Variants in GNG7 observed in about 807,000 individuals in gnomAD.
GNG7 encodes the protein G protein subunit gamma 7.
Under a neutral mutation model 4.0 loss-of-function variants are expected in GNG7, and 1 was observed. The ratio of observed to expected loss-of-function variants is 0.25; its 90% confidence interval spans 0.09 to 1.18. The LOEUF (loss-of-function observed/expected upper bound fraction) is 1.18. Ranked by LOEUF, GNG7 falls within the 50% of genes most tolerant of loss-of-function variation. The pLI is 0.50. For missense variants in GNG7, 86 were observed against 91.9 expected (o/e 0.94, Z 0.26); for synonymous variants, 34 against 36.9 (o/e 0.92, Z 0.29).
intron 2 of GNG7, among the ~76,000 whole-genome samples, chr19:2,644,375 A>G (rs1982607225): frequency 1.7e-5 from 1 of 59,854 alleles, no homozygotes; most frequent in South Asian, 4.6e-4. Flanking sequence ...ATATATATAT[A>G]TATATAATGC....
At chr19:2,679,415 A>G (rs1319021734) in intron 1 of GNG7, among the ~76,000 whole-genome samples, 4 of 152,126 alleles carry the variant, frequency 2.6e-5, no homozygotes, top group Non-Finnish European at 5.9e-5. Context: ...TAACAGTGAT[A>G]ACCAGGACCA....
At chr19:2,523,630 T>A (rs1367498216) in intron 3 of GNG7, among the ~76,000 whole-genome samples, 1 of 152,006 alleles carries the variant, frequency 6.6e-6, no homozygotes, top group African/African-American at 2.4e-5. Context: ...CCTCACACAC[T>A]CACACACCAG....
intron 1 of GNG7, among the ~76,000 whole-genome samples, chr19:2,657,261 G>T (rs1016344323): frequency 1.4e-5 from 2 of 146,256 alleles, no homozygotes; most frequent in African/African-American, 5.1e-5. Flanking sequence ...TTGAGCCTAG[G>T]AGTTCGAAGC....
intron 1 of GNG7, among the ~76,000 whole-genome samples, chr19:2,695,901 G>A (rs1168372319): frequency 1.3e-5 from 2 of 152,294 alleles, no homozygotes; most frequent in Middle Eastern, 3.4e-3. Context: ...GCTCACGCCT[G>A]TAATCCCAGC....
At chr19:2,583,896 A>C (rs1297786688) in intron 2 of GNG7, among the ~76,000 whole-genome samples, 2 of 152,156 alleles carry the variant, frequency 1.3e-5, no homozygotes, top group African/African-American at 2.4e-5. Flanking sequence ...ATATTGCTAA[A>C]TTAAAAAAAA....
intron 2 of GNG7, among the ~76,000 whole-genome samples, chr19:2,619,037 A>G (rs1981797564): frequency 6.6e-6 from 1 of 152,236 alleles, no homozygotes; most frequent in Non-Finnish European, 1.5e-5. Flanking sequence ...AAACAAACAA[A>G]AAATGTCATT....
At chr19:2,553,944 T>A (rs1192096192) in intron 3 of GNG7, among the ~76,000 whole-genome samples, 1 of 142,954 alleles carries the variant, frequency 7.0e-6, no homozygotes, top group African/African-American at 2.6e-5. Context: ...ATGTAATATA[T>A]TATATGTAAT....
At position 2,557,828 on chromosome 19, in the gene GNG7, ATT is replaced by A. The variant is rs1188358002; in HGVS notation, c.-77-2642_-77-2641del. On this transcript the variant is annotated intron_variant, in intron 2 of 4. Coordinates refer to ENST00000382159, the MANE Select transcript of GNG7 (RefSeq NM_052847.3). This position sits in a 1 kb window ranked among gnomAD's most constrained non-coding sequence, Gnocchi z 5.1. ...TTATTCTGATGGGGTGACTCGGTGC[ATT>A]TCTCTCTCAGGCTTACTTTTTTTCT... Among the ~76,000 whole-genome samples, 3 of 151,936 alleles carry A rather than the reference ATT, an allele frequency of 2.0e-5. No individual in the cohort carries two copies. Among genetic ancestry groups the A allele is most frequent in the Admixed American group, 1.3e-4 (2 of 15,230 alleles).
At chr19:2,681,663 G>C (rs1983739137) in intron 1 of GNG7, among the ~76,000 whole-genome samples, 1 of 152,176 alleles carries the variant, frequency 6.6e-6, no homozygotes, top group African/African-American at 2.4e-5. Flanking sequence ...TGGAAACACT[G>C]TATGTAACCA....
chr19:2,670,229 T>C (rs1476626377), intron 1 of GNG7, among the ~76,000 whole-genome samples: 1 of 152,094 alleles, frequency 6.6e-6, no homozygotes, highest in East Asian at 1.9e-4. Flanking sequence ...TGGTGCAGCC[T>C]GGTTCTGGCC....
Position 2,513,298 on chromosome 19 carries a change from TG to T in GNG7, c.*1723del. The stretch of plus-strand genomic sequence containing the variant: ...CGGGTTCTTAGACGCCTGTCTCCAC[TG>T]GGGCCGGAGGGACAGGACTAGGCTA... On this transcript the variant is annotated 3_prime_UTR_variant, in exon 5 of 5. Coordinates refer to ENST00000382159, the MANE Select transcript of GNG7 (RefSeq NM_052847.3). 1 of 332,450 alleles carries T rather than the reference TG, an allele frequency of 3.0e-6. No individual in the cohort carries two copies. The highest frequency in any genetic ancestry group is 4.3e-6 in the Non-Finnish European group (1 of 233,018). The allele number at this position is 332,450 out of a possible 1,614,324, so 20.6% of individuals were successfully genotyped here.
chr19:2,521,262 T>C (rs185433171), intron 3 of GNG7, among the ~76,000 whole-genome samples: 1 of 149,090 alleles, frequency 6.7e-6, no homozygotes, highest in African/African-American at 2.5e-5. Context: ...CAAGACTCCG[T>C]CTCAAAAAAA....
At chr19:2,694,039 T>C (rs1466907711) in intron 1 of GNG7, among the ~76,000 whole-genome samples, 2 of 152,100 alleles carry the variant, frequency 1.3e-5, no homozygotes, top group Non-Finnish European at 2.9e-5. Context: ...AACGGCAATG[T>C]CTCTATGCCT....
At chr19:2,515,939 G>A (rs1284300503) in intron 4 of GNG7, among the ~76,000 whole-genome samples, 2 of 151,932 alleles carry the variant, frequency 1.3e-5, no homozygotes, top group Non-Finnish European at 2.9e-5. Context: ...TCTTGGCCAG[G>A]TGCGGTGGCT....
intron 2 of GNG7, among the ~76,000 whole-genome samples, chr19:2,616,644 C>T (rs1325159532): frequency 6.6e-6 from 1 of 151,484 alleles, no homozygotes; most frequent in Non-Finnish European, 1.5e-5. Context: ...GGCATGGTGG[C>T]GGGTGCCTGT....
intron 2 of GNG7, among the ~76,000 whole-genome samples, chr19:2,582,011 G>A (rs979080381): frequency 2.6e-5 from 4 of 152,120 alleles, no homozygotes; most frequent in South Asian, 2.1e-4. Flanking sequence ...AAGTGAAAAA[G>A]CAAAATGGAA....
chr19:2,551,976 C>T lies in GNG7; in HGVS notation c.-38+3173G>A, dbSNP rs565971595. On this transcript the variant is annotated intron_variant, in intron 3 of 4. Coordinates refer to ENST00000382159, the MANE Select transcript of GNG7 (RefSeq NM_052847.3). ...CTGGGATTACAGGCGTGAGCCACGG[C>T]GCCTGACTGCTTGTGTGTTCACAGC... 1.3e-3 allele frequency among the ~76,000 whole-genome samples: 199 copies of T among 152,274 alleles called. 1 individual carries two copies. The highest frequency in any genetic ancestry group is 3.8e-3 in the African/African-American group (158 of 41,554).
chr19:2,575,576 C>T (rs1980289293), intron 2 of GNG7, among the ~76,000 whole-genome samples: 1 of 130,766 alleles, frequency 7.6e-6, no homozygotes, highest in Non-Finnish European at 1.6e-5. Flanking sequence ...CACACGCAGA[C>T]ACGCAGGCAC....
At chr19:2,578,295 AGAACCCAATACG>A (rs1980403226) in intron 2 of GNG7, among the ~76,000 whole-genome samples, 1 of 152,104 alleles carries the variant, frequency 6.6e-6, no homozygotes, top group Admixed American at 6.6e-5. Flanking sequence ...GGGCCCTCGG[AGAACCCAATACG>A]GGACCCAGAG....
Sources: allele counts gnomAD v4.1 joint callset (sites outside exome capture counted in the v4.1 genomes callset), GRCh38; gene constraint gnomAD v4.1.1; non-coding constraint Gnocchi (gnomAD v3.1); transcripts MANE v1.5; gene names NCBI Gene and HGNC (gene_info 2026-07-23, HGNC 2026-07-21).